The following RTEL1 variants were observed in gnomAD, a reference collection of about 807,000 sequenced individuals.
RTEL1 encodes the protein regulator of telomere length.
Under a neutral mutation model 162.2 loss-of-function variants are expected in RTEL1, and 86 were observed. The ratio of observed to expected loss-of-function variants is 0.53; its 90% CI spans 0.45 to 0.63. The LOEUF (loss-of-function observed/expected upper bound fraction) is 0.63, where lower values mean the gene tolerates loss of function less well. Ranked by LOEUF, RTEL1 falls within the 30% of genes least tolerant of loss-of-function variation. The pLI is 0.00. For synonymous variants in RTEL1, 958 were observed against 717.9 expected, an observed-to-expected ratio of 1.33 and a Z score of -5.35; for missense variants, 1,941 against 1,750.2, an observed-to-expected ratio of 1.11 and a Z score of -1.95.
intron 14 of RTEL1, 146 bp from the exon 15 acceptor site, chr20:63,685,377 T>C (rs2090569437): frequency 1.3e-6 from 1 of 778,564 alleles, no homozygotes; most frequent in African/African-American, 1.8e-5. Flanking sequence ...CCAGCTCCTG[T>C]CCATTGGCCT....
intron 8 of RTEL1, among the ~76,000 whole-genome samples, chr20:63,672,337 C>T (rs1378793751): frequency 6.6e-6 from 1 of 152,154 alleles, no homozygotes; most frequent in Non-Finnish European, 1.5e-5. Flanking sequence ...TGGCACGTGC[C>T]TTTCCATGCT....
rs1044602578 is a variant in RTEL1, at chr20:63,681,746, C to T, written c.1191+1027C>T. 3.1e-5 allele frequency: 31 copies of T among 985,202 alleles called. No individual in the cohort carries two copies. The South Asian group carries it at 8.5e-4, about 27-fold the overall frequency. The allele number at this position is 985,202 out of a possible 1,614,324, so 61.0% of individuals were successfully genotyped here. On this transcript the variant is annotated intron_variant, in intron 14 of 34. Transcript: ENST00000360203. ...GGTGGTGGGGCCCAGGCTCAGCCCT[C>T]CCTCCACTGTGGCCGTCTCTGTGGC...
chr20:63,671,699 G>T (rs1269386376), intron 8 of RTEL1, among the ~76,000 whole-genome samples: 1 of 148,092 alleles, frequency 6.8e-6, no homozygotes, highest in South Asian at 2.1e-4. Context: ...CACAGTGTTC[G>T]CCAGGCTGGT....
chr20:63,691,703 T>G (rs762483221), intron 27 of RTEL1, 39 bp from the exon 28 acceptor site: 1 of 1,533,210 alleles, frequency 6.5e-7, no homozygotes, highest in South Asian at 1.1e-5. Flanking sequence ...GAGTGTGTGG[T>G]TGGGGTCTGT....
rs758615955 is a variant in RTEL1 at position 63,678,165 on chromosome 20, G to A, written c.940G>A (p.Asp314Asn). ...PSPGLNMELEDIAKLKMILLR... is the reference protein window; with the variant it reads ...PSPGLNMELENIAKLKMILLR... ...CCCAGGGCTGAACATGGAGCTGGAAGACATTGCAAAGCTGAAGAGTAAGTG... is the reference window on the plus strand; with the variant it reads ...CCCAGGGCTGAACATGGAGCTGGAAAACATTGCAAAGCTGAAGAGTAAGTG... Residue 314 changes from aspartate to asparagine, a missense_variant, in exon 11 of 35, where the codon GAC becomes AAC. Physicochemically the swap from Asp to Asn is conservative, Grantham distance 23 (BLOSUM62 1). Coordinates refer to ENST00000360203, the MANE Select transcript of RTEL1 (RefSeq NM_001283009.2). 3.6e-5 allele frequency: 58 copies of A among 1,614,074 alleles called. No individual in the cohort carries two copies. The highest frequency in any genetic ancestry group is 4.7e-5 in the Non-Finnish European group (55 of 1,180,034).
chr20:63,666,336 C>T (rs531211884), intron 7 of RTEL1, among the ~76,000 whole-genome samples: 43 of 152,334 alleles, frequency 2.8e-4, no homozygotes, highest in Admixed American at 7.2e-4. Flanking sequence ...TGTGTCTGTG[C>T]GGAAGCACGC....
chr20:63,680,223 T>A (rs2090452978), intron 13 of RTEL1, among the ~76,000 whole-genome samples: 1 of 152,236 alleles, frequency 6.6e-6, no homozygotes, highest in African/African-American at 2.4e-5. Context: ...AGCTGGCTTG[T>A]GGGGCCTCTG....
intron 6 of RTEL1, 62 bp downstream of exon 6, chr20:63,662,951 C>G: frequency 6.7e-7 from 1 of 1,503,366 alleles, no homozygotes; most frequent in African/African-American, 1.4e-5. Flanking sequence ...CAGGGTGGAG[C>G]TCAGTGGTGT....
rs749234586 is a variant in RTEL1 at position 63,692,899 on chromosome 20, C to G, written c.2747C>G (p.Thr916Ser). Residue 916 changes from threonine (T) to serine (S), a missense_variant, in exon 29 of 35, where the codon ACC becomes AGC. Physicochemically the swap from Thr to Ser is moderately conservative, Grantham distance 58 (BLOSUM62 1). Coordinates refer to ENST00000360203, the MANE Select transcript of RTEL1 (RefSeq NM_001283009.2). ...ELSQANFATFTQALQDYKGSD... is the reference protein window; with the variant it reads ...ELSQANFATFSQALQDYKGSD... ...AGCCAAGCCAACTTTGCCACCTTCA[C>G]CCAGGCCCTGCAGGACTACAAGGGT... 6.8e-6 allele frequency: 11 copies of G among 1,612,660 alleles called. No homozygotes were observed. The South Asian group carries it at 9.9e-5, about 14-fold the overall frequency.
At chr20:63,679,110 TCCGTGGGG>T (rs1270528257) in intron 12 of RTEL1, among the ~76,000 whole-genome samples, 3 of 152,160 alleles carry the variant, frequency 2.0e-5, no homozygotes, top group African/African-American at 7.2e-5. Context: ...TTCTGAACGC[TCCGTGGGG>T]CTCCAGTCTT....
chr20:63,675,872 T>A (rs950031477), intron 10 of RTEL1, among the ~76,000 whole-genome samples: 8 of 152,190 alleles, frequency 5.3e-5, no homozygotes, highest in African/African-American at 1.9e-4. Context: ...AGCTGCCATT[T>A]CATCGCTTAC....
Position 63,661,464 on chromosome 20 carries a change from G to A in RTEL1, c.269G>A (p.Gly90Asp). Residue 90 changes from glycine (G) to aspartate (D), a missense_variant, in exon 3 of 35, where the codon GGC becomes GAC. Coordinates refer to ENST00000360203, the MANE Select transcript of RTEL1 (RefSeq NM_001283009.2). This position sits in a 1 kb window ranked among gnomAD's most constrained non-coding sequence, Gnocchi z 5.1. Reference protein sequence around the residue: ...LFPDRALSSWGNAAAAAGDPI... With the variant: ...LFPDRALSSWDNAAAAAGDPI... ...CCGGATCGGGCCTTGTCATCCTGGGGCAACGCTGCTGCTGCTGCTGGAGAC... is the reference window on the plus strand; with the variant it reads ...CCGGATCGGGCCTTGTCATCCTGGGACAACGCTGCTGCTGCTGCTGGAGAC... 4 of 1,612,954 alleles carry A rather than the reference G, an allele frequency of 2.5e-6. No homozygotes were observed. The highest frequency in any genetic ancestry group is 3.4e-6 in the Non-Finnish European group (4 of 1,179,998).
intron 21 of RTEL1, 62 bp downstream of exon 21, chr20:63,688,667 C>CT (rs1408236256): frequency 4.7e-6 from 7 of 1,486,598 alleles, no homozygotes; most frequent in Non-Finnish European, 6.4e-6. Context: ...CCTCTCACAG[C>CT]TTCCCCAAGG....
At chr20:63,682,667 G>C in intron 14 of RTEL1, 3 of 985,828 alleles carry the variant, frequency 3.0e-6, no homozygotes, top group Non-Finnish European at 3.6e-6. Context: ...AGGTGTGGGC[G>C]GTGCCCATAG....
intron 6 of RTEL1, among the ~76,000 whole-genome samples, chr20:63,664,786 C>T (rs1416924908): frequency 1.3e-5 from 2 of 152,166 alleles, no homozygotes; most frequent in Admixed American, 1.3e-4. Flanking sequence ...GTATTTTGGG[C>T]GAATGAGGAG....
Position 63,659,224 on chromosome 20 carries a change from C to T in RTEL1, c.-170-9C>T, listed in dbSNP as rs1176076145. 3 of 620,624 alleles carry T rather than the reference C, an allele frequency of 4.8e-6. No individual in the cohort carries two copies. Among genetic ancestry groups the T allele is most frequent in the South Asian group, 1.8e-5 (1 of 56,030 alleles). The allele number at this position is 620,624 out of a possible 1,614,324, so 38.4% of individuals were successfully genotyped here. On this transcript the variant is annotated splice_polypyrimidine_tract_variant and intron_variant, in intron 1 of 34. Transcript: ENST00000360203. ...CTGTCTACAAACAGAGTCTTACTGTCTTTCCCAGGTCTGTGCCATAGGGAT... is the reference window on the plus strand; with the variant it reads ...CTGTCTACAAACAGAGTCTTACTGTTTTTCCCAGGTCTGTGCCATAGGGAT...
rs776381697 is a variant in RTEL1 at position 63,692,785 on chromosome 20, C to G, written c.2653-20C>G. The stretch of plus-strand genomic sequence containing the variant: ...ATGATGAGGCTGGCCCTGATGGAGC[C>G]TCGGGCCTGTGTCCTGCAGGAGGAG... On this transcript the variant is annotated intron_variant, in intron 28 of 34. Transcript: ENST00000360203. 1 of 1,603,096 alleles carries G rather than the reference C, an allele frequency of 6.2e-7. No homozygotes were observed. Among genetic ancestry groups the G allele is most frequent in the Non-Finnish European group, 8.5e-7 (1 of 1,172,570 alleles).
At chr20:63,676,111 C>T (rs2090344331) in intron 10 of RTEL1, among the ~76,000 whole-genome samples, 1 of 152,128 alleles carries the variant, frequency 6.6e-6, no homozygotes, top group African/African-American at 2.4e-5. Context: ...CTCTGTCACC[C>T]AGGCTGGAGA....
chr20:63,684,764 C>T (rs898013055), intron 14 of RTEL1, among the ~76,000 whole-genome samples: 6 of 152,270 alleles, frequency 3.9e-5, no homozygotes, highest in South Asian at 4.1e-4. Context: ...TGAGCCACCA[C>T]GCCCGGCCTC....
Sources: gnomAD v4.1 joint callset for allele counts (sites outside exome capture counted in the v4.1 genomes callset) on GRCh38, gnomAD v4.1.1 for gene constraint, Gnocchi (gnomAD v3.1) non-coding constraint, MANE v1.5 for transcripts, NCBI Gene and HGNC (gene_info 2026-07-23, HGNC 2026-07-21) for gene names.